The following PCP4 variants were observed in gnomAD, a reference collection of about 807,000 sequenced individuals.
PCP4 encodes calmodulin regulator protein PCP4.
In PCP4, 8 loss-of-function variants were observed where a neutral mutation model predicts 10.0. The observed-to-expected ratio is 0.80, with a 90% CI of 0.47 to 1.45. The LOEUF is 1.45. Ranked by LOEUF, PCP4 falls within the 40% of genes most tolerant of loss-of-function variation. The probability of loss-of-function intolerance (pLI) is 0.00; values close to 1 mark genes in which losing one functional copy is unlikely to be tolerated. For missense variants in PCP4, 54 were observed against 74.4 expected (o/e 0.73, Z 1.01); for synonymous variants, 21 against 23.0 (o/e 0.91, Z 0.24).
rs955428696 is a variant in PCP4 at position 39,875,551 on chromosome 21, A to C, written c.9+8041A>C. On this transcript the variant is annotated intron_variant, in intron 1 of 2. Coordinates refer to ENST00000328619, the MANE Select transcript of PCP4 (RefSeq NM_006198.3). Reference sequence around the variant, plus strand: ...CATAGTGAGATCTTCTCCTTAAAACAATAAGGGTGACTTGACGTGATTTTA... The same window carrying C: ...CATAGTGAGATCTTCTCCTTAAAACCATAAGGGTGACTTGACGTGATTTTA... Among the ~76,000 whole-genome samples, 22 of 152,202 alleles carry C rather than the reference A, an allele frequency of 1.4e-4. 3 individuals carry two copies. Among genetic ancestry groups the C allele is most frequent in the Admixed American group, 1.2e-3 (19 of 15,286 alleles).
intron 1 of PCP4, among the ~76,000 whole-genome samples, chr21:39,874,753 C>A (rs1173056491): frequency 1.3e-5 from 2 of 150,870 alleles, no homozygotes; most frequent in Non-Finnish European, 2.9e-5. Flanking sequence ...AAAGGTTACA[C>A]CTGCTTTAAA....
chr21:39,917,015 G>A (rs1462237316), intron 2 of PCP4, among the ~76,000 whole-genome samples: 1 of 152,142 alleles, frequency 6.6e-6, no homozygotes, highest in Non-Finnish European at 1.5e-5. Flanking sequence ...GTTGATCTGT[G>A]AAGCAGATCA....
intron 2 of PCP4, among the ~76,000 whole-genome samples, chr21:39,923,232 A>G (rs1004836127): frequency 4.6e-5 from 7 of 152,236 alleles, no homozygotes; most frequent in Non-Finnish European, 5.9e-5. Flanking sequence ...GAATGATTCC[A>G]GAATTAGGCG....
chr21:39,874,528 C>T (rs1168162760), intron 1 of PCP4, among the ~76,000 whole-genome samples: 2 of 151,988 alleles, frequency 1.3e-5, no homozygotes, highest in Non-Finnish European at 2.9e-5. Context: ...TATATGACCT[C>T]TGAGAAAAGG....
intron 1 of PCP4, among the ~76,000 whole-genome samples, chr21:39,890,160 T>C (rs2087422688): frequency 6.6e-6 from 1 of 152,178 alleles, no homozygotes; most frequent in Admixed American, 6.5e-5. Flanking sequence ...GCATGGCCCA[T>C]GATACAATGA....
intron 1 of PCP4, among the ~76,000 whole-genome samples, chr21:39,873,687 C>T (rs972693765): frequency 6.6e-6 from 1 of 152,194 alleles, no homozygotes; most frequent in African/African-American, 2.4e-5. Flanking sequence ...GTTTTCCAGT[C>T]ACCTGGCACA....
chr21:39,921,021 A>C (rs2087594366), intron 2 of PCP4, among the ~76,000 whole-genome samples: 1 of 152,076 alleles, frequency 6.6e-6, no homozygotes, highest in South Asian at 2.1e-4. Context: ...TTACCTTTCC[A>C]TTTGTTTTCC....
chr21:39,879,314 A>G (rs528409875), intron 1 of PCP4, among the ~76,000 whole-genome samples: 39 of 152,294 alleles, frequency 2.6e-4, no homozygotes, highest in African/African-American at 7.9e-4. Context: ...AAATAGATGT[A>G]GCAATTTGTC....
At chr21:39,875,673 T>C (rs968348430) in intron 1 of PCP4, among the ~76,000 whole-genome samples, 1 of 152,200 alleles carries the variant, frequency 6.6e-6, no homozygotes, top group East Asian at 1.9e-4. Context: ...TTTTCAATCT[T>C]CCTGCAGATC....
intron 1 of PCP4, among the ~76,000 whole-genome samples, chr21:39,880,188 C>CTATATCTATATCTATATCTA (rs1325255846): frequency 8.2e-6 from 1 of 122,610 alleles, no homozygotes; most frequent in Non-Finnish European, 1.7e-5. Flanking sequence ...ATATCTATAT[C>CTATATCTATATCTATATCTA]TATCTATATC....
intron 1 of PCP4, among the ~76,000 whole-genome samples, chr21:39,874,154 C>T (rs2087333424): frequency 6.6e-6 from 1 of 152,126 alleles, no homozygotes; most frequent in Admixed American, 6.5e-5. Context: ...CTGTTCCAAC[C>T]ATTCAAATAA....
Position 39,928,972 on chromosome 21 carries a change from G to A in PCP4, c.62-12G>A. 6.2e-7 allele frequency: 1 copy of A among 1,610,642 alleles called. No homozygotes were observed. The highest frequency in any genetic ancestry group is 8.5e-7 in the Non-Finnish European group (1 of 1,178,184). ...CAGTGATTGCCTTCTGTTTGTGTTT[G>A]TCTTGCTACAGATGGACAGAAGAAA... On this transcript the variant is annotated splice_polypyrimidine_tract_variant and intron_variant, in intron 2 of 2. Coordinates refer to ENST00000328619, the MANE Select transcript of PCP4 (RefSeq NM_006198.3).
intron 1 of PCP4, among the ~76,000 whole-genome samples, chr21:39,881,679 C>T (rs970329369): frequency 1.3e-5 from 2 of 152,080 alleles, no homozygotes; most frequent in Admixed American, 6.5e-5. Flanking sequence ...GAGTCCTGTG[C>T]GATGTCATAC....
chr21:39,876,075 A>G (rs557944691), intron 1 of PCP4, among the ~76,000 whole-genome samples: 61 of 150,972 alleles, frequency 4.0e-4, no homozygotes, highest in Non-Finnish European at 7.1e-4. Flanking sequence ...GAATTTTTCA[A>G]TTAAATCTGA....
chr21:39,893,812 C>T (rs532176178), intron 1 of PCP4, among the ~76,000 whole-genome samples: 1 of 152,200 alleles, frequency 6.6e-6, no homozygotes, highest in Non-Finnish European at 1.5e-5. Context: ...CAGAGGGCCA[C>T]CTGTCTTTTG....
chr21:39,917,352 C>G (rs369942310), intron 2 of PCP4, among the ~76,000 whole-genome samples: 1 of 152,132 alleles, frequency 6.6e-6, no homozygotes, highest in African/African-American at 2.4e-5. Flanking sequence ...GCCCCTGATG[C>G]GCACTTCTGC....
At chr21:39,880,107 T>G (rs182583227) in intron 1 of PCP4, among the ~76,000 whole-genome samples, 1 of 140,314 alleles carries the variant, frequency 7.1e-6, no homozygotes, top group Non-Finnish European at 1.5e-5. Flanking sequence ...TATCTATATC[T>G]ATCTATATCT....
chr21:39,879,252 G>C (rs1054598982), intron 1 of PCP4, among the ~76,000 whole-genome samples: 2 of 152,096 alleles, frequency 1.3e-5, no homozygotes, highest in Non-Finnish European at 2.9e-5. Context: ...GCCTCCCAAA[G>C]AGCTGGGATT....
intron 2 of PCP4, among the ~76,000 whole-genome samples, chr21:39,922,060 C>T (rs899995307): frequency 6.6e-6 from 1 of 152,154 alleles, no homozygotes; most frequent in African/African-American, 2.4e-5. Context: ...CTATGTTGCC[C>T]AGGCTGGTCT....
Sources: gnomAD v4.1 joint callset for allele counts (sites outside exome capture counted in the v4.1 genomes callset) on GRCh38, gnomAD v4.1.1 for gene constraint, MANE v1.5 for transcripts, NCBI Gene and HGNC (gene_info 2026-07-23, HGNC 2026-07-21) for gene names.